Variants in GABBR2 observed in about 807,000 individuals in gnomAD.
The protein encoded by GABBR2 is gamma-aminobutyric acid type B receptor subunit 2, also known as G-protein coupled receptor 51.
Under a neutral mutation model 105.6 loss-of-function variants are expected in GABBR2, and 23 were observed. That is an observed-to-expected ratio of 0.22 (90% CI 0.16 to 0.31). The LOEUF (loss-of-function observed/expected upper bound fraction) is 0.31, where lower values mean the gene tolerates loss of function less well. Among genes scored for constraint, GABBR2 ranks in the 10% least tolerant of loss-of-function variants. The probability of loss-of-function intolerance (pLI) is 1.00; values close to 1 mark genes in which losing one functional copy is unlikely to be tolerated. For synonymous variants in GABBR2, 478 were observed against 499.7 expected (o/e 0.96, Z 0.58); for missense variants, 734 against 1,245.5 (o/e 0.59, Z 6.18).
At chr9:98,401,980 T>C (rs1478764429) in intron 8 of GABBR2, among the ~76,000 whole-genome samples, 8 of 152,198 alleles carry the variant, frequency 5.3e-5, no homozygotes, top group South Asian at 2.1e-4. Context: ...ATGTCTGCAA[T>C]TGGGAAGGAC....
intron 4 of GABBR2, among the ~76,000 whole-genome samples, chr9:98,486,455 C>T (rs902973169): frequency 1.1e-4 from 16 of 152,170 alleles, no homozygotes; most frequent in African/African-American, 3.6e-4. Context: ...GGGACCACGC[C>T]CTCCAGCCAG....
At position 98,580,032 on chromosome 9, in the gene GABBR2, C is replaced by T. The variant is rs182103609; in HGVS notation, c.322-1960G>A. On this transcript the variant is annotated intron_variant, in intron 1 of 18. Transcript: ENST00000259455. ...CAGGTTTGGGGTCATTTTCTTAAGACTCCTTATCACAATGGAAGCCACTCA... is the reference window on the plus strand; with the variant it reads ...CAGGTTTGGGGTCATTTTCTTAAGATTCCTTATCACAATGGAAGCCACTCA... 8.5e-5 allele frequency among the ~76,000 whole-genome samples: 13 copies of T among 152,292 alleles called. No individual in the cohort carries two copies. In the East Asian group the frequency reaches 1.9e-3, roughly 23 times the overall value.
chr9:98,355,155 C>T (rs781745428), intron 13 of GABBR2, among the ~76,000 whole-genome samples: 51 of 151,770 alleles, frequency 3.4e-4, no homozygotes, highest in Non-Finnish European at 4.4e-4. Context: ...TAAAGTCTGC[C>T]CTCTTATCTG....
At chr9:98,509,623 G>A (rs1588203119) in intron 3 of GABBR2, among the ~76,000 whole-genome samples, 1 of 152,324 alleles carries the variant, frequency 6.6e-6, no homozygotes, top group Non-Finnish European at 1.5e-5. Flanking sequence ...CGTGACGAAT[G>A]CACAAACCTC....
intron 7 of GABBR2, among the ~76,000 whole-genome samples, chr9:98,413,897 C>T (rs192380194): frequency 2.3e-4 from 35 of 152,294 alleles, no homozygotes; most frequent in African/African-American, 7.2e-4. Context: ...TTTAGAACAA[C>T]AAAATATCAG....
At chr9:98,567,527 C>T (rs1410406932) in intron 2 of GABBR2, among the ~76,000 whole-genome samples, 2 of 152,188 alleles carry the variant, frequency 1.3e-5, no homozygotes, top group Non-Finnish European at 2.9e-5. Context: ...ATTTCATCCA[C>T]ACAACTTTAG....
chr9:98,430,788 T>A (rs1825794468), intron 7 of GABBR2, among the ~76,000 whole-genome samples: 1 of 152,004 alleles, frequency 6.6e-6, no homozygotes, highest in Non-Finnish European at 1.5e-5. Context: ...TCTGTTTGGG[T>A]TCCCCCTTCC....
At chr9:98,595,467 G>A (rs1829221305) in intron 1 of GABBR2, among the ~76,000 whole-genome samples, 1 of 150,880 alleles carries the variant, frequency 6.6e-6, no homozygotes, top group African/African-American at 2.4e-5. Context: ...GCCACCAGAT[G>A]TAGTGCCAGG....
intron 7 of GABBR2, among the ~76,000 whole-genome samples, chr9:98,409,914 T>A (rs1217332643): frequency 6.6e-6 from 1 of 152,192 alleles, no homozygotes; most frequent in Non-Finnish European, 1.5e-5. Flanking sequence ...AGAGCCTGTT[T>A]TCTGGGTAAC....
intron 13 of GABBR2, among the ~76,000 whole-genome samples, chr9:98,354,754 C>G (rs1023898552): frequency 6.6e-6 from 1 of 152,150 alleles, no homozygotes; most frequent in African/African-American, 2.4e-5. Flanking sequence ...ATCTTTTATC[C>G]AGATCACTCA....
chr9:98,614,572 G>A (rs946421757), intron 1 of GABBR2, among the ~76,000 whole-genome samples: 4 of 152,076 alleles, frequency 2.6e-5, no homozygotes, highest in African/African-American at 9.7e-5. Flanking sequence ...AAATTAAAAT[G>A]AGTAAAACAA....
chr9:98,424,084 A>T (rs916389316), intron 7 of GABBR2, among the ~76,000 whole-genome samples: 2 of 152,152 alleles, frequency 1.3e-5, no homozygotes, highest in Non-Finnish European at 2.9e-5. Context: ...ATCCTCAATA[A>T]AATACTGGCA....
chr9:98,559,388 C>CCAAA (rs1422227853), intron 2 of GABBR2, among the ~76,000 whole-genome samples: 7 of 152,206 alleles, frequency 4.6e-5, no homozygotes, highest in African/African-American at 1.7e-4. Context: ...CCTTGGCCTC[C>CCAAA]CAAAGTGCTG....
At chr9:98,500,092 A>T (rs1188097220) in intron 3 of GABBR2, among the ~76,000 whole-genome samples, 1 of 152,252 alleles carries the variant, frequency 6.6e-6, no homozygotes, top group Non-Finnish European at 1.5e-5. Context: ...AAACAAAAAA[A>T]ACTGGAGCCA....
intron 13 of GABBR2, among the ~76,000 whole-genome samples, chr9:98,324,679 C>T (rs1489752259): frequency 6.6e-6 from 1 of 152,226 alleles, no homozygotes; most frequent in South Asian, 2.1e-4. Flanking sequence ...GCTGTGGCCA[C>T]TGCTGGCGGT....
At chr9:98,611,509 C>T (rs1829506650) in intron 1 of GABBR2, among the ~76,000 whole-genome samples, 1 of 150,836 alleles carries the variant, frequency 6.6e-6, no homozygotes, top group Non-Finnish European at 1.5e-5. Context: ...TGGAAGATTC[C>T]TATATCCCAG....
At chr9:98,634,528 G>C (rs1030786312) in intron 1 of GABBR2, among the ~76,000 whole-genome samples, 4 of 152,148 alleles carry the variant, frequency 2.6e-5, no homozygotes, top group African/African-American at 7.2e-5. Context: ...GGCAGAGATG[G>C]GCGTGATGGT....
intron 9 of GABBR2, among the ~76,000 whole-genome samples, chr9:98,393,676 G>A (rs1163722774): frequency 6.6e-6 from 1 of 152,262 alleles, no homozygotes; most frequent in African/African-American, 2.4e-5. Context: ...CATAAGAGAG[G>A]CAGAGAAGAA....
rs1424675039 is a variant in GABBR2 at position 98,511,168 on chromosome 9, T to C, written c.631-14654A>G. Reference sequence around the variant, plus strand: ...ACCTCAATGACTACTGGGTACATAATGAAATGAAGGCAGAAATAAAGATGT... The same window carrying C: ...ACCTCAATGACTACTGGGTACATAACGAAATGAAGGCAGAAATAAAGATGT... On this transcript the variant is annotated intron_variant, in intron 3 of 18. Transcript: ENST00000259455. Among the ~76,000 whole-genome samples the C allele has an allele frequency of 3.3e-5, 5 of 151,694 alleles. No individual in the cohort carries two copies. In the South Asian group the frequency reaches 1.0e-3, roughly 32 times the overall value.
Sources: allele counts gnomAD v4.1 joint callset (sites outside exome capture counted in the v4.1 genomes callset), GRCh38; gene constraint gnomAD v4.1.1; transcripts MANE v1.5; gene names NCBI Gene and HGNC (gene_info 2026-07-23, HGNC 2026-07-21).